CABP1: variants seen among roughly 807,000 people sequenced by gnomAD.
CABP1 encodes the protein calcium-binding protein 1.
In CABP1, 17 loss-of-function variants were observed where a neutral mutation model predicts 34.3. The observed-to-expected ratio is 0.50, with a 90% CI of 0.34 to 0.74. The LOEUF (loss-of-function observed/expected upper bound fraction) is 0.74. Ranked by LOEUF, CABP1 falls within the 30% of genes least tolerant of loss-of-function variation. The pLI, the probability that CABP1 is intolerant of heterozygous loss-of-function variation, is 0.01. For synonymous variants in CABP1, 198 were observed against 229.2 expected, an observed-to-expected ratio of 0.86 and a Z score of 1.23; for missense variants, 373 against 511.1, an observed-to-expected ratio of 0.73 and a Z score of 2.61.
chr12:120,641,301 C>T lies in CABP1; in HGVS notation c.616C>T (p.His206Tyr). The T allele has an allele frequency of 7.5e-7, 1 of 1,330,488 alleles. No homozygotes were observed. Among genetic ancestry groups the T allele is most frequent in the Non-Finnish European group, 9.6e-7 (1 of 1,041,702 alleles). 82.4% of individuals were successfully genotyped at this position (1,330,488 alleles called of 1,614,324 possible). A position where few individuals can be genotyped will look rare whatever the true frequency, so the allele number is the denominator to read the frequency against. ...AAASEADPFLHRLRPMLSSAF... is the reference protein window; with the variant it reads ...AAASEADPFLYRLRPMLSSAF... ...CGCGTCCGAGGCGGACCCGTTCCTC[C>T]ACCGGCTGCGCCCCATGCTCAGCTC... The change falls in exon 1 of 6, where the codon CAC (histidine) becomes TAC (tyrosine). Residue 206 changes from histidine to tyrosine, a missense_variant. By Grantham distance (83) the His-to-Tyr change is moderately conservative. Transcript: ENST00000316803. This position sits in a 1 kb window ranked among gnomAD's most constrained non-coding sequence, Gnocchi z 6.7.
chr12:120,646,372 T>G (rs943647547), intron 1 of CABP1, among the ~76,000 whole-genome samples: 4 of 152,228 alleles, frequency 2.6e-5, no homozygotes, highest in African/African-American at 9.6e-5. Flanking sequence ...CTCATCCCTC[T>G]GATCCTATCA....
intron 1 of CABP1, among the ~76,000 whole-genome samples, chr12:120,648,212 C>T (rs1420957516): frequency 6.6e-6 from 1 of 152,140 alleles, no homozygotes; most frequent in Non-Finnish European, 1.5e-5. Flanking sequence ...TCCTGATCCC[C>T]TAGACTCAGA....
At position 120,660,974 on chromosome 12, in the gene CABP1, G is replaced by C. The variant is rs1199322846; in HGVS notation, c.940-97G>C. 2 of 1,458,982 alleles carry C rather than the reference G, an allele frequency of 1.4e-6. No homozygotes were observed. Among genetic ancestry groups the C allele is most frequent in the Admixed American group, 3.7e-5 (2 of 54,428 alleles). The allele number at this position is 1,458,982 out of a possible 1,614,324, so 90.4% of individuals were successfully genotyped here. A position where few individuals can be genotyped will look rare whatever the true frequency, so the allele number is the denominator to read the frequency against. ...TGGACAGAGAAAGGTCTCTGGTAAA[G>C]GGGGGCAATGACACTGGAGAAGGAG... is the stretch of plus-strand genomic sequence containing the variant. On this transcript the variant is annotated intron_variant, in intron 4 of 5. Coordinates refer to ENST00000316803, the MANE Select transcript of CABP1 (RefSeq NM_001033677.2). The surrounding 1 kb of genome is among the most constrained non-coding windows in gnomAD (Gnocchi z 5.0).
In CABP1 at chr12:120,660,689, T is replaced by C. The variant is rs375658717; in HGVS notation, c.830-42T>C. ...CAGTTGTCTAGTTGGAGACAGGGAA[T>C]GGGTATGTCGGGGATGACCTAGCCC... On this transcript the variant is annotated intron_variant, in intron 3 of 5. Coordinates refer to ENST00000316803, the MANE Select transcript of CABP1 (RefSeq NM_001033677.2). The surrounding 1 kb of genome is among the most constrained non-coding windows in gnomAD (Gnocchi z 5.0). The C allele has an allele frequency of 1.1e-4, 148 of 1,325,084 alleles. No individual in the cohort carries two copies. The highest frequency in any genetic ancestry group is 1.6e-4 in the Non-Finnish European group (144 of 916,890). 82.1% of individuals were successfully genotyped at this position (1,325,084 alleles called of 1,614,324 possible).
At chr12:120,650,873 G>A (rs542012361) in intron 1 of CABP1, among the ~76,000 whole-genome samples, 1 of 138,098 alleles carries the variant, frequency 7.2e-6, no homozygotes, top group African/African-American at 2.5e-5. Flanking sequence ...CTTTGGGCAT[G>A]GCGGTCGGGG....
chr12:120,658,416 T>C (rs2137356799), intron 1 of CABP1, among the ~76,000 whole-genome samples: 1 of 152,058 alleles, frequency 6.6e-6, no homozygotes, highest in East Asian at 1.9e-4. Flanking sequence ...GCTTTTTAGG[T>C]GAACGTCCAT....
chr12:120,646,909 G>A (rs1006273217), intron 1 of CABP1, among the ~76,000 whole-genome samples: 1 of 152,196 alleles, frequency 6.6e-6, no homozygotes, highest in African/African-American at 2.4e-5. Flanking sequence ...TTTAAAGCAC[G>A]TCGAAATCCC....
At chr12:120,659,777 C>T (rs1807432898) in intron 1 of CABP1, 101 bp from the exon 2 acceptor site, 6 of 1,078,596 alleles carry the variant, frequency 5.6e-6, no homozygotes, top group Admixed American at 5.4e-5. Context: ...CTCGTCACCT[C>T]CTACCCAGTG....
the CABP1 span, among the ~76,000 whole-genome samples, chr12:120,678,275 C>T: frequency 6.6e-6 from 1 of 152,296 alleles, no homozygotes; most frequent in South Asian, 2.1e-4. Context: ...TTCTTCTGAT[C>T]CTTATCTGGA....
At chr12:120,659,773 A>G in intron 1 of CABP1, 105 bp from the exon 2 acceptor site, 1 of 994,586 alleles carries the variant, frequency 1.0e-6, no homozygotes, top group Non-Finnish European at 1.6e-6. Context: ...CATCCTCGTC[A>G]CCTCCTACCC....
In CABP1 at chr12:120,640,922, G is replaced by C; in HGVS notation, c.237G>C (p.Ala79=). 2 of 1,113,608 alleles carry C rather than the reference G, an allele frequency of 1.8e-6. No homozygotes were observed. The highest frequency in any genetic ancestry group is 2.2e-6 in the Non-Finnish European group (2 of 913,082). The allele number at this position is 1,113,608 out of a possible 1,614,324, so 69.0% of individuals were successfully genotyped here. ...TGCTGAAGGCGGCGGCGGCGGCGGC[G>C]AGCGGGGGCAGCCGGGCTCCCCGCC... ...TSLLKAAAAA[A]SGGSRAPRHG... is the part of the protein sequence containing the mutation. Residue 79 remains alanine (A), a synonymous_variant, in exon 1 of 6, where the codon GCG becomes GCC. Transcript: ENST00000316803. The surrounding 1 kb of genome is among the most constrained non-coding windows in gnomAD (Gnocchi z 6.2).
At chr12:120,663,568 G>A (rs1427344493) in intron 5 of CABP1, among the ~76,000 whole-genome samples, 2 of 152,246 alleles carry the variant, frequency 1.3e-5, no homozygotes, top group South Asian at 4.1e-4. Context: ...GAGCCACCGC[G>A]CCCAGCCTCA....
At chr12:120,675,055 T>C in the CABP1 span, among the ~76,000 whole-genome samples, 3 of 145,364 alleles carry the variant, frequency 2.1e-5, no homozygotes, top group Non-Finnish European at 4.5e-5. Context: ...TTTTAAACAT[T>C]AGTTTTTTGT....
At chr12:120,656,822 G>A (rs1880255163) in intron 1 of CABP1, among the ~76,000 whole-genome samples, 1 of 152,204 alleles carries the variant, frequency 6.6e-6, no homozygotes, top group Non-Finnish European at 1.5e-5. Flanking sequence ...TTGAACCCAG[G>A]AGGCAGAGGT....
At chr12:120,680,427 C>G in the CABP1 span, among the ~76,000 whole-genome samples, 3 of 152,158 alleles carry the variant, frequency 2.0e-5, no homozygotes, top group African/African-American at 7.2e-5. Context: ...GAGGGCAAGT[C>G]CTCCATCCTG....
chr12:120,660,893 G>C lies in CABP1; in HGVS notation c.939+53G>C. 12 of 1,436,278 alleles carry C rather than the reference G, an allele frequency of 8.4e-6. No individual in the cohort carries two copies. Among genetic ancestry groups the C allele is most frequent in the Non-Finnish European group, 1.2e-5 (12 of 1,019,692 alleles). The allele number at this position is 1,436,278 out of a possible 1,614,324, so 89.0% of individuals were successfully genotyped here. On this transcript the variant is annotated intron_variant, in intron 4 of 5. Transcript: ENST00000316803. The surrounding 1 kb of genome is among the most constrained non-coding windows in gnomAD (Gnocchi z 5.0). ...GGCGGCTATTGGAATCCTATCTGCAGTATAAATACTTCAAAAGAAGCCTGA... is the reference window on the plus strand; with the variant it reads ...GGCGGCTATTGGAATCCTATCTGCACTATAAATACTTCAAAAGAAGCCTGA...
Position 120,661,592 on chromosome 12 carries a change from ATC to A in CABP1, c.1087+376_1087+377del. 5.4e-6 allele frequency: 1 copy of A among 185,184 alleles called. No individual in the cohort carries two copies. Among genetic ancestry groups the A allele is most frequent in the South Asian group, 1.1e-4 (1 of 9,324 alleles). 11.5% of individuals were successfully genotyped at this position (185,184 alleles called of 1,614,324 possible). On this transcript the variant is annotated intron_variant, in intron 5 of 5. Coordinates refer to ENST00000316803, the MANE Select transcript of CABP1 (RefSeq NM_001033677.2). The surrounding 1 kb of genome is among the most constrained non-coding windows in gnomAD (Gnocchi z 5.1). ...TGTCCATTTATCCATTCATCCATTC[ATC>A]TACCTATCTATCTATCTGTCCATCA...
At chr12:120,645,051 C>T (rs529242765) in intron 1 of CABP1, among the ~76,000 whole-genome samples, 34 of 152,264 alleles carry the variant, frequency 2.2e-4, no homozygotes, top group Admixed American at 6.5e-4. Flanking sequence ...GTGATCCATC[C>T]GCCTCAACCT....
intron 5 of CABP1, among the ~76,000 whole-genome samples, chr12:120,665,275 A>C (rs1295045486): frequency 6.6e-6 from 1 of 151,804 alleles, no homozygotes; most frequent in Non-Finnish European, 1.5e-5. Flanking sequence ...ATACAAAAAA[A>C]ATTAGCCAGG....
Sources: allele counts gnomAD v4.1 joint callset (sites outside exome capture counted in the v4.1 genomes callset), GRCh38; gene constraint gnomAD v4.1.1; non-coding constraint Gnocchi (gnomAD v3.1); transcripts MANE v1.5; gene names NCBI Gene and HGNC (gene_info 2026-07-23, HGNC 2026-07-21).